The following PSD4 variants were observed in gnomAD, a reference collection of about 807,000 sequenced individuals.
The protein encoded by PSD4 is PH and SEC7 domain-containing protein 4.
PSD4 carries 59 observed loss-of-function variants against 112.5 expected under a neutral mutation model. That is an observed-to-expected ratio of 0.52 (90% CI 0.43 to 0.65). The LOEUF is 0.65. Among genes scored for constraint, PSD4 ranks in the 30% least tolerant of loss-of-function variants. PSD4 has a pLI of 0.00. For synonymous variants in PSD4, 533 were observed against 540.0 expected (o/e 0.99, Z 0.18); for missense variants, 1,267 against 1,352.6 (o/e 0.94, Z 0.99).
In PSD4 at chr2:113,201,209, C is replaced by G; in HGVS notation, c.2965C>G (p.Pro989Ala). The change falls in exon 17 of 17, where the codon CCC becomes GCC. Residue 989 changes from proline to alanine, a missense_variant. This residue lies in a region of PSD4 where 544 missense variants were observed against 648.6 expected (regional missense o/e 0.84). Transcript: ENST00000245796. The stretch of plus-strand genomic sequence containing the variant: ...GCTGCTGGTGGCCCGCCTGCACTGC[C>G]CCTCTGATGCTCTGGACCTGTGGGA... ...VQLLVARLHCPSDALDLWEEQ... is the reference protein window; with the variant it reads ...VQLLVARLHCASDALDLWEEQ... 6.2e-7 allele frequency: 1 copy of G among 1,614,038 alleles called. No homozygotes were observed. The highest frequency in any genetic ancestry group is 8.5e-7 in the Non-Finnish European group (1 of 1,179,992).
rs745922706 is a variant in PSD4, at chr2:113,208,105, C to T, written c.*6690C>T. On this transcript the variant is annotated 3_prime_UTR_variant, in exon 17 of 17. Transcript: ENST00000245796. ...GTTTCACCATGTTGGTCAGGCTGGT[C>T]TCAAACTCCTGACCTCGTGATCCGC... 1.3e-5 allele frequency: 2 copies of T among 152,192 alleles called. No individual in the cohort carries two copies. The highest frequency in any genetic ancestry group is 2.9e-5 in the Non-Finnish European group (2 of 68,074). The allele number at this position is 152,192 out of a possible 1,614,324, so 9.4% of individuals were successfully genotyped here.
chr2:113,190,963 T>G (rs1293645689), intron 5 of PSD4, among the ~76,000 whole-genome samples: 1 of 152,232 alleles, frequency 6.6e-6, no homozygotes, highest in South Asian at 2.1e-4. Context: ...ATGTTCTCAT[T>G]TTAGTTAGAT....
chr2:113,207,526 G>A lies in PSD4; in HGVS notation c.*6111G>A, dbSNP rs1312424495. 2 of 128,600 alleles carry A rather than the reference G, an allele frequency of 1.6e-5. No individual in the cohort carries two copies. Among genetic ancestry groups the A allele is most frequent in the African/African-American group, 3.0e-5 (1 of 33,236 alleles). 8.0% of individuals were successfully genotyped at this position (128,600 alleles called of 1,614,324 possible). ...GGCTGGAGTGCGGTGGCATGATCTC[G>A]GCTCACTGCAAGCTCTGCCTCCCGA... On this transcript the variant is annotated 3_prime_UTR_variant, in exon 17 of 17. Coordinates refer to ENST00000245796, the MANE Select transcript of PSD4 (RefSeq NM_012455.3).
intron 1 of PSD4, among the ~76,000 whole-genome samples, chr2:113,175,778 G>C (rs1687957508): frequency 6.6e-6 from 1 of 152,176 alleles, no homozygotes; most frequent in Non-Finnish European, 1.5e-5. Flanking sequence ...GACCAGGAGG[G>C]CTATTTGTTT....
intron 4 of PSD4, 131 bp downstream of exon 4, chr2:113,185,571 G>A: frequency 6.4e-7 from 1 of 1,570,856 alleles, no homozygotes; most frequent in Admixed American, 1.9e-5. Flanking sequence ...AAGCCAGACA[G>A]ACTTGGGGTT....
Position 113,198,852 on chromosome 2 carries a change from A to G in PSD4, c.2737A>G (p.Ile913Val). ...CTCCCAGCGCAGATTCGTGCGGCCC[A>G]TCCTGCCCGTGGGCCCCGCCCAGAG... ...VGSQRRFVRP[I>V]LPVGPAQSSL... Residue 913 changes from isoleucine to valine, a missense_variant, in exon 15 of 17, where the codon ATC becomes GTC. Physicochemically the swap from Ile to Val is conservative, Grantham distance 29. Transcript: ENST00000245796. The G allele has an allele frequency of 6.3e-7, 1 of 1,597,694 alleles. No individual in the cohort carries two copies.
chr2:113,191,485 TG>T (rs1406917476), intron 5 of PSD4, among the ~76,000 whole-genome samples: 1 of 152,226 alleles, frequency 6.6e-6, no homozygotes, highest in Non-Finnish European at 1.5e-5. Flanking sequence ...ATGGCCAGGC[TG>T]GCTTCGAACT....
chr2:113,200,642 ATGGAGG>A (rs1688749648), intron 16 of PSD4, among the ~76,000 whole-genome samples: 3 of 152,142 alleles, frequency 2.0e-5, no homozygotes, highest in African/African-American at 7.2e-5. Flanking sequence ...ATCCAATGGG[ATGGAGG>A]GTGAGGAAGC....
At chr2:113,185,608 A>C in intron 4 of PSD4, 168 bp downstream of exon 4, 1 of 1,550,560 alleles carries the variant, frequency 6.4e-7, no homozygotes, top group Non-Finnish European at 8.7e-7. Flanking sequence ...AAATTAAATG[A>C]AGGAAACGTA....
At position 113,193,960 on chromosome 2, in the gene PSD4, G is replaced by A. The variant is rs746818176; in HGVS notation, c.2181+12G>A. ...AGGAGCTGCTGAAGGTATGTGCCAC[G>A]GGGTCTTCTTATGAGCCTCATGTAG... is the stretch of plus-strand genomic sequence containing the variant. On this transcript the variant is annotated intron_variant, in intron 10 of 16. Transcript: ENST00000245796. 17 of 1,612,772 alleles carry A rather than the reference G, an allele frequency of 1.1e-5. No homozygotes were observed. The highest frequency in any genetic ancestry group is 6.7e-5 in the East Asian group (3 of 44,876).
At position 113,193,945 on chromosome 2, in the gene PSD4, G is replaced by A. The variant is rs1480411882; in HGVS notation, c.2178G>A (p.Leu726=). The change falls in exon 10 of 17, where the codon CTG becomes CTA. Residue 726 remains leucine (L), a synonymous_variant. Coordinates refer to ENST00000245796, the MANE Select transcript of PSD4 (RefSeq NM_012455.3). The part of the protein sequence containing the change: ...RDGGNFPKEL[L]KALYWSIRSE... ...GCGGGAACTTCCCCAAGGAGCTGCTGAAGGTATGTGCCACGGGGTCTTCTT... is the reference window on the plus strand; with the variant it reads ...GCGGGAACTTCCCCAAGGAGCTGCTAAAGGTATGTGCCACGGGGTCTTCTT... 6.2e-7 allele frequency: 1 copy of A among 1,614,078 alleles called. No homozygotes were observed. Among genetic ancestry groups the A allele is most frequent in the Admixed American group, 1.7e-5 (1 of 60,022 alleles).
rs1448220878 is a variant in PSD4, at chr2:113,185,857, C to T, written c.1250-20C>T. 1 of 1,602,586 alleles carries T rather than the reference C, an allele frequency of 6.2e-7. No individual in the cohort carries two copies. The highest frequency in any genetic ancestry group is 2.3e-5 in the East Asian group (1 of 44,396). On this transcript the variant is annotated intron_variant, in intron 4 of 16. Transcript: ENST00000245796. ...CCTGCCTCCTGCCCTGTGCCCGCCT[C>T]ACTTCATGTTCTTCCTCAGATGAGA...
intron 1 of PSD4, among the ~76,000 whole-genome samples, chr2:113,180,601 C>T (rs921489050): frequency 8.6e-5 from 13 of 151,922 alleles, no homozygotes; most frequent in African/African-American, 2.7e-4. Context: ...GGTCGGAGTC[C>T]GGCCCCTGTC....
chr2:113,198,606 TGGCAG>T, intron 14 of PSD4, 129 bp from the exon 15 acceptor site: 1 of 1,115,510 alleles, frequency 9.0e-7, no homozygotes, highest in Non-Finnish European at 1.2e-6. Context: ...GCCCGGCTAG[TGGCAG>T]GGCTGTAACT....
Position 113,201,082 on chromosome 2 carries a change from C to T in PSD4, c.2914-76C>T, listed in dbSNP as rs45541340. On this transcript the variant is annotated intron_variant, in intron 16 of 16. Coordinates refer to ENST00000245796, the MANE Select transcript of PSD4 (RefSeq NM_012455.3). The stretch of plus-strand genomic sequence containing the variant: ...CGCCATAGCTTCATGTACCTGTGAG[C>T]TGTCCCTCACGATTCTAGCCTCCTC... 4.1e-3 allele frequency: 6,197 copies of T among 1,526,628 alleles called. 23 individuals carry two copies. Among genetic ancestry groups the T allele is most frequent in the Non-Finnish European group, 4.9e-3 (5,596 of 1,131,550 alleles). 94.6% of individuals were successfully genotyped at this position (1,526,628 alleles called of 1,614,324 possible).
rs762758430 is a variant in PSD4 at position 113,193,381 on chromosome 2, G to C, written c.2032+11G>C. The C allele has an allele frequency of 1.4e-5, 23 of 1,607,578 alleles. No homozygotes were observed. Among genetic ancestry groups the C allele is most frequent in the Non-Finnish European group, 1.9e-5 (22 of 1,177,056 alleles). ...TCTTCCCCTCAGTAGGTAGGGAGGG[G>C]CTGGCCCTGACAGCAAAGCAGGGAA... On this transcript the variant is annotated intron_variant, in intron 8 of 16. Transcript: ENST00000245796.
At position 113,201,613 on chromosome 2, in the gene PSD4, C is replaced by T; in HGVS notation, c.*198C>T. On this transcript the variant is annotated 3_prime_UTR_variant, in exon 17 of 17. Coordinates refer to ENST00000245796, the MANE Select transcript of PSD4 (RefSeq NM_012455.3). ...TTCCTAATATTGCTGTGCTCCCCAC[C>T]ACCCCCATGGCAGTCCCTCCGCAGC... 2.7e-6 allele frequency: 2 copies of T among 753,690 alleles called. No homozygotes were observed. Among genetic ancestry groups the T allele is most frequent in the African/African-American group, 1.8e-5 (1 of 56,774 alleles). 46.7% of individuals were successfully genotyped at this position (753,690 alleles called of 1,614,324 possible). A position where few individuals can be genotyped will look rare whatever the true frequency, so the allele number is the denominator to read the frequency against.
intron 16 of PSD4, among the ~76,000 whole-genome samples, chr2:113,200,564 G>T (rs570980028): frequency 1.3e-5 from 2 of 152,302 alleles, no homozygotes; most frequent in East Asian, 3.9e-4. Context: ...CTGACCAGCT[G>T]GGACCTTTAA....
In PSD4 at chr2:113,201,172, G is replaced by A; in HGVS notation, c.2928G>A (p.Glu976=). Residue 976 remains glutamate (E), a synonymous_variant, in exon 17 of 17, where the codon GAG becomes GAA. Coordinates refer to ENST00000245796, the MANE Select transcript of PSD4 (RefSeq NM_012455.3). The stretch of plus-strand genomic sequence containing the variant: ...GTGTGTTGCAGAAAACCCGCTACGA[G>A]ACCTACGTGCAGCTGCTGGTGGCCC... The part of the protein sequence containing the change: ...EYLEYEKTRY[E]TYVQLLVARL... The A allele has an allele frequency of 6.2e-7, 1 of 1,611,894 alleles. No homozygotes were observed. The highest frequency in any genetic ancestry group is 8.5e-7 in the Non-Finnish European group (1 of 1,178,302).
Sources: gnomAD v4.1 joint callset for allele counts (sites outside exome capture counted in the v4.1 genomes callset) on GRCh38, gnomAD v4.1.1 for gene constraint, gnomAD v4.1.1 regional missense constraint, MANE v1.5 for transcripts, NCBI Gene and HGNC (gene_info 2026-07-23, HGNC 2026-07-21) for gene names.